Variants in AP3B1 observed in about 807,000 individuals in gnomAD.
AP3B1 encodes the protein adaptor related protein complex 3 subunit beta 1.
Under a neutral mutation model 132.5 loss-of-function variants are expected in AP3B1, and 61 were observed. The ratio of observed to expected loss-of-function variants is 0.46; its 90% CI spans 0.37 to 0.57. The LOEUF (loss-of-function observed/expected upper bound fraction) is 0.57, where lower values mean the gene tolerates loss of function less well. Ranked by LOEUF, AP3B1 falls within the 20% of genes least tolerant of loss-of-function variation. The probability of loss-of-function intolerance (pLI) is 0.00; values close to 1 mark genes in which losing one functional copy is unlikely to be tolerated. For synonymous variants in AP3B1, 388 were observed against 438.3 expected (o/e 0.89, Z 1.43); for missense variants, 1,120 against 1,289.4 (o/e 0.87, Z 2.01).
intron 6 of AP3B1, among the ~76,000 whole-genome samples, chr5:78,221,626 CA>C (rs1746181592): frequency 2.0e-5 from 3 of 149,926 alleles, no homozygotes; most frequent in Admixed American, 2.0e-4. Context: ...GAAAAAGAAC[CA>C]AAAGAATAAA....
Position 78,267,496 on chromosome 5 carries a change from GAAGT to G in AP3B1, c.204+20_204+23del. 1 of 1,525,430 alleles carries G rather than the reference GAAGT, an allele frequency of 6.6e-7. No individual in the cohort carries two copies. The highest frequency in any genetic ancestry group is 1.1e-5 in the South Asian group (1 of 87,500). 94.5% of individuals were successfully genotyped at this position (1,525,430 alleles called of 1,614,324 possible). On this transcript the variant is annotated intron_variant, in intron 2 of 26. Coordinates refer to ENST00000255194, the MANE Select transcript of AP3B1 (RefSeq NM_003664.5). ...ACTGCTTGTCCATTTTTCCAAAATT[GAAGT>G]AAATGAGTATTTTACCTACCCCAAC... is the stretch of plus-strand genomic sequence containing the variant.
At chr5:78,152,363 T>C (rs1249272675) in intron 14 of AP3B1, among the ~76,000 whole-genome samples, 2 of 152,032 alleles carry the variant, frequency 1.3e-5, no homozygotes, top group Non-Finnish European at 2.9e-5. Context: ...GTTACTTGTT[T>C]TTGGTCTGTT....
intron 2 of AP3B1, among the ~76,000 whole-genome samples, chr5:78,258,892 C>T (rs1275162759): frequency 6.6e-6 from 1 of 152,052 alleles, no homozygotes; most frequent in Non-Finnish European, 1.5e-5. Flanking sequence ...TCATTTGCAA[C>T]AACATGGGTG....
chr5:78,211,404 G>A (rs540419172), intron 7 of AP3B1, among the ~76,000 whole-genome samples: 2 of 152,166 alleles, frequency 1.3e-5, no homozygotes, highest in East Asian at 3.9e-4. Context: ...CATATAAACA[G>A]CCTAAATACT....
At chr5:78,253,258 G>T (rs1747714290) in intron 2 of AP3B1, among the ~76,000 whole-genome samples, 1 of 152,296 alleles carries the variant, frequency 6.6e-6, no homozygotes, top group South Asian at 2.1e-4. Context: ...AAGAAGGATG[G>T]CCAAAAATAT....
At chr5:78,263,972 T>C (rs1456897663) in intron 2 of AP3B1, among the ~76,000 whole-genome samples, 1 of 152,182 alleles carries the variant, frequency 6.6e-6, no homozygotes, top group Non-Finnish European at 1.5e-5. Flanking sequence ...GCCTACAGTA[T>C]TCAGTACAGT....
At chr5:78,188,534 C>T (rs1338914655) in intron 7 of AP3B1, among the ~76,000 whole-genome samples, 1 of 152,186 alleles carries the variant, frequency 6.6e-6, no homozygotes, top group African/African-American at 2.4e-5. Flanking sequence ...AATTAGATAT[C>T]ATTTCATACC....
At chr5:78,071,584 A>G (rs915246853) in intron 22 of AP3B1, among the ~76,000 whole-genome samples, 1 of 152,184 alleles carries the variant, frequency 6.6e-6, no homozygotes, top group African/African-American at 2.4e-5. Context: ...AAAAATAAAT[A>G]AACACTCAAA....
At chr5:78,154,137 T>G (rs765424886) in intron 14 of AP3B1, among the ~76,000 whole-genome samples, 7 of 152,240 alleles carry the variant, frequency 4.6e-5, no homozygotes, top group Non-Finnish European at 8.8e-5. Flanking sequence ...AAGACAGGTC[T>G]GTTGCTGACA....
At chr5:78,117,040 A>G (rs1000137027) in intron 17 of AP3B1, among the ~76,000 whole-genome samples, 1 of 150,670 alleles carries the variant, frequency 6.6e-6, no homozygotes, top group African/African-American at 2.4e-5. Flanking sequence ...TGCCTCTCTC[A>G]CCTCTTGCTG....
chr5:78,116,958 C>T (rs1751866069), intron 17 of AP3B1, among the ~76,000 whole-genome samples: 1 of 152,110 alleles, frequency 6.6e-6, no homozygotes, highest in Admixed American at 6.6e-5. Flanking sequence ...AAGCCGAAGT[C>T]CCTACAACAG....
chr5:78,213,163 G>A (rs572825713), intron 7 of AP3B1, among the ~76,000 whole-genome samples: 3 of 152,276 alleles, frequency 2.0e-5, no homozygotes, highest in East Asian at 1.9e-4. Flanking sequence ...ACAGGCGTGA[G>A]CCACCGCGCC....
At chr5:78,031,332 C>T (rs1463969582) in intron 24 of AP3B1, among the ~76,000 whole-genome samples, 1 of 152,278 alleles carries the variant, frequency 6.6e-6, no homozygotes, top group Non-Finnish European at 1.5e-5. Flanking sequence ...ATGGCCTTTC[C>T]TCCCCACCAG....
chr5:78,260,768 C>T (rs935408660), intron 2 of AP3B1, among the ~76,000 whole-genome samples: 10 of 152,134 alleles, frequency 6.6e-5, no homozygotes, highest in Non-Finnish European at 1.2e-4. Flanking sequence ...CCCAATTTCT[C>T]GCTTTCCCCC....
intron 22 of AP3B1, among the ~76,000 whole-genome samples, chr5:78,074,314 C>T (rs1283575743): frequency 1.3e-5 from 2 of 151,984 alleles, no homozygotes; most frequent in Admixed American, 1.3e-4. Flanking sequence ...ATTAAAGCAA[C>T]CTCATACCCA....
chr5:78,216,282 C>A, intron 6 of AP3B1, 45 bp from the exon 7 acceptor site: 2 of 1,567,180 alleles, frequency 1.3e-6, no homozygotes, highest in East Asian at 2.3e-5. Context: ...TGTTTCTCCC[C>A]TACATCAAAG....
intron 22 of AP3B1, among the ~76,000 whole-genome samples, chr5:78,052,729 C>T (rs1748634675): frequency 1.3e-5 from 2 of 152,142 alleles, no homozygotes; most frequent in African/African-American, 4.8e-5. Context: ...TTCTCCTCCC[C>T]AAAGACAGAT....
intron 22 of AP3B1, among the ~76,000 whole-genome samples, chr5:78,053,572 C>G (rs1748673250): frequency 6.7e-6 from 1 of 150,028 alleles, no homozygotes; most frequent in African/African-American, 2.4e-5. Context: ...CCCAGCTACT[C>G]AGGAGGCTGA....
At position 78,294,689 on chromosome 5, in the gene AP3B1, A is replaced by T; in HGVS notation, c.-110T>A. The T allele has an allele frequency of 6.4e-6, 10 of 1,563,600 alleles. No individual in the cohort carries two copies. The highest frequency in any genetic ancestry group is 8.7e-6 in the Non-Finnish European group (10 of 1,147,700). On this transcript the variant is annotated 5_prime_UTR_variant, in exon 1 of 27. Transcript: ENST00000255194. ...AGTTCTCGTACGGAGGAGCGCGCGC[A>T]GGCGCTTCCGGACTCGTCACGGCTC...
Sources: gnomAD v4.1 joint callset for allele counts (sites outside exome capture counted in the v4.1 genomes callset) on GRCh38, gnomAD v4.1.1 for gene constraint, MANE v1.5 for transcripts, NCBI Gene and HGNC (gene_info 2026-07-23, HGNC 2026-07-21) for gene names.